The following NUAK1 variants were observed in gnomAD, a reference collection of about 807,000 sequenced individuals.
The protein encoded by NUAK1 is NUAK family SNF1-like kinase 1.
In NUAK1, 26 loss-of-function variants were observed where a neutral mutation model predicts 56.9. The observed-to-expected ratio is 0.46, with a 90% CI of 0.33 to 0.63. The LOEUF (loss-of-function observed/expected upper bound fraction) is 0.63. NUAK1 is among the 30% of genes least tolerant of loss of function. The probability of loss-of-function intolerance (pLI) is 0.02; values close to 1 mark genes in which losing one functional copy is unlikely to be tolerated. For missense variants in NUAK1, 727 were observed against 876.1 expected, an observed-to-expected ratio of 0.83 and a Z score of 2.15; for synonymous variants, 337 against 336.0, an observed-to-expected ratio of 1.00 and a Z score of -0.03.
chr12:106,084,994 G>A (rs1184192792), intron 3 of NUAK1, among the ~76,000 whole-genome samples: 1 of 152,184 alleles, frequency 6.6e-6, no homozygotes, highest in Non-Finnish European at 1.5e-5. Context: ...ACTGCTCAGA[G>A]GGAGAAATGA....
At chr12:106,099,140 G>T (rs1385400222) in intron 2 of NUAK1, among the ~76,000 whole-genome samples, 3 of 152,104 alleles carry the variant, frequency 2.0e-5, no homozygotes, top group African/African-American at 7.2e-5. Context: ...CAAATTTGAG[G>T]GTTAATCACC....
At chr12:106,088,065 C>G (rs1295078625) in intron 2 of NUAK1, among the ~76,000 whole-genome samples, 1 of 152,196 alleles carries the variant, frequency 6.6e-6, no homozygotes, top group Non-Finnish European at 1.5e-5. Context: ...CCGTTATGTT[C>G]AAAGTCAGGG....
In NUAK1 at chr12:106,067,165, G is replaced by T; in HGVS notation, c.1623C>A (p.Val541=). ...ATTCCAGTGTGGGCATTTCAGGGCT[G>T]ACCAGGGCTGGGTCCATGGTGCCCG... ...YSAGTMDPAL[V]SPEMPTLESL... The change falls in exon 7 of 7, where the codon GTC becomes GTA. Residue 541 remains valine (V), a synonymous_variant. Transcript: ENST00000261402. The surrounding 1 kb of genome is among the most constrained non-coding windows in gnomAD (Gnocchi z 6.0). 6.2e-7 allele frequency: 1 copy of T among 1,614,164 alleles called. No homozygotes were observed. The highest frequency in any genetic ancestry group is 1.1e-5 in the South Asian group (1 of 91,070).
intron 4 of NUAK1, among the ~76,000 whole-genome samples, chr12:106,074,177 A>G (rs2032438211): frequency 6.6e-6 from 1 of 152,130 alleles, no homozygotes; most frequent in African/African-American, 2.4e-5. Flanking sequence ...CACACCCAAG[A>G]AACACTTGTC....
chr12:106,070,127 G>A (rs2032390138), intron 6 of NUAK1, among the ~76,000 whole-genome samples: 1 of 152,192 alleles, frequency 6.6e-6, no homozygotes, highest in Non-Finnish European at 1.5e-5. Context: ...CCACTGTGGG[G>A]TGGCACCTCA....
rs1182176128 is a variant in NUAK1 at position 106,072,743 on chromosome 12, C to G, written c.680G>C (p.Arg227Thr). 6.2e-7 allele frequency: 1 copy of G among 1,613,792 alleles called. No homozygotes were observed. The highest frequency in any genetic ancestry group is 8.5e-7 in the Non-Finnish European group (1 of 1,179,844). The change falls in exon 5 of 7, where the codon AGA (arginine) becomes ACA (threonine). Residue 227 changes from arginine (R) to threonine (T), a missense_variant. By Grantham distance (71) the Arg-to-Thr change is moderately conservative. Transcript: ENST00000261402. The part of the protein sequence containing the change: ...LYASPEIVNG[R>T]PYRGPEVDSW... ...GCTCACCTCTGGCCCTCGGTAAGGT[C>G]TCCCATTGACAATCTCAGGAGATGC...
chr12:106,101,261 C>T (rs745831663), intron 2 of NUAK1, among the ~76,000 whole-genome samples: 13 of 152,142 alleles, frequency 8.5e-5, no homozygotes, highest in Admixed American at 6.5e-4. Flanking sequence ...GGATGAGGCA[C>T]GACAGAGCAA....
chr12:106,120,978 G>C (rs2032968364), intron 1 of NUAK1, among the ~76,000 whole-genome samples: 1 of 152,204 alleles, frequency 6.6e-6, no homozygotes, highest in Admixed American at 6.5e-5. Context: ...CTACGGGTCT[G>C]TTTAAAAATA....
intron 1 of NUAK1, among the ~76,000 whole-genome samples, chr12:106,126,936 A>T (rs1332031396): frequency 6.6e-6 from 1 of 152,198 alleles, no homozygotes; most frequent in Non-Finnish European, 1.5e-5. Context: ...TAAGCATCTA[A>T]GGAATGAGCA....
Position 106,096,529 on chromosome 12 carries a change from C to T in NUAK1, c.362-9644G>A, listed in dbSNP as rs541908135. ...CAGTCTGCAGGGACTTCATGTGGAACGTGTGAATCTGGCGGCAGAGGGAGT... is the reference window on the plus strand; with the variant it reads ...CAGTCTGCAGGGACTTCATGTGGAATGTGTGAATCTGGCGGCAGAGGGAGT... On this transcript the variant is annotated intron_variant, in intron 2 of 6. Transcript: ENST00000261402. 8.5e-5 allele frequency among the ~76,000 whole-genome samples: 13 copies of T among 152,258 alleles called. No homozygotes were observed. In the South Asian group the frequency reaches 2.7e-3, roughly 32 times the overall value.
chr12:106,107,857 G>T (rs2032817843), intron 1 of NUAK1, among the ~76,000 whole-genome samples: 1 of 152,192 alleles, frequency 6.6e-6, no homozygotes, highest in South Asian at 2.1e-4. Context: ...CAAAAGACAG[G>T]TTATGTCTGA....
At chr12:106,082,956 G>A (rs146016207) in intron 4 of NUAK1, among the ~76,000 whole-genome samples, 7 of 152,246 alleles carry the variant, frequency 4.6e-5, no homozygotes, top group East Asian at 3.9e-4. Context: ...TACTAAGGCC[G>A]TTTCATAATG....
chr12:106,118,618 C>T (rs1234865173), intron 1 of NUAK1, among the ~76,000 whole-genome samples: 2 of 152,224 alleles, frequency 1.3e-5, no homozygotes, highest in African/African-American at 2.4e-5. Flanking sequence ...AAGAACCATT[C>T]CCTTACAACA....
intron 6 of NUAK1, among the ~76,000 whole-genome samples, chr12:106,070,469 A>T (rs1430978787): frequency 1.3e-5 from 2 of 152,186 alleles, no homozygotes; most frequent in South Asian, 4.1e-4. Flanking sequence ...ACCTCATCTA[A>T]TATCTTTTCC....
Position 106,066,693 on chromosome 12 carries a change from C to T in NUAK1, c.*109G>A. On this transcript the variant is annotated 3_prime_UTR_variant, in exon 7 of 7. Transcript: ENST00000261402. ...TTGGCCAAGTGAGACAGTGCCAATC[C>T]TTTTTCAGTCTGTTGTCACAGCCAG... The T allele has an allele frequency of 6.2e-6, 6 of 973,864 alleles. No homozygotes were observed. Among genetic ancestry groups the T allele is most frequent in the Non-Finnish European group, 9.2e-6 (6 of 649,238 alleles). 60.3% of individuals were successfully genotyped at this position (973,864 alleles called of 1,614,324 possible). A position where few individuals can be genotyped will look rare whatever the true frequency, so the allele number is the denominator to read the frequency against.
intron 4 of NUAK1, among the ~76,000 whole-genome samples, chr12:106,073,421 G>A (rs184910293): frequency 4.4e-4 from 67 of 152,222 alleles, no homozygotes; most frequent in African/African-American, 1.5e-3. Flanking sequence ...ATTGGGTTTT[G>A]AGTCATCATA....
chr12:106,124,890 G>A (rs1444860406), intron 1 of NUAK1, among the ~76,000 whole-genome samples: 1 of 151,924 alleles, frequency 6.6e-6, no homozygotes, highest in Non-Finnish European at 1.5e-5. Flanking sequence ...CCAGCTACTC[G>A]GGAGGTTGAG....
chr12:106,087,519 G>C (rs568390206), intron 2 of NUAK1, among the ~76,000 whole-genome samples: 65 of 152,186 alleles, frequency 4.3e-4, no homozygotes, highest in Non-Finnish European at 8.5e-4. Flanking sequence ...ACCCAGAACA[G>C]TATTTGGCAC....
At chr12:106,091,589 G>A (rs994406097) in intron 2 of NUAK1, among the ~76,000 whole-genome samples, 3 of 152,158 alleles carry the variant, frequency 2.0e-5, no homozygotes, top group African/African-American at 7.2e-5. Flanking sequence ...AGAAGACGGC[G>A]ATGAATAAAA....
Sources: gnomAD v4.1 joint callset for allele counts (sites outside exome capture counted in the v4.1 genomes callset) on GRCh38, gnomAD v4.1.1 for gene constraint, Gnocchi (gnomAD v3.1) non-coding constraint, MANE v1.5 for transcripts, NCBI Gene and HGNC (gene_info 2026-07-23, HGNC 2026-07-21) for gene names.